The following SLC22A23 variants were observed in gnomAD, a reference collection of about 807,000 sequenced individuals.
SLC22A23 encodes ion transporter protein.
Under a neutral mutation model 61.0 loss-of-function variants are expected in SLC22A23, and 26 were observed. The observed-to-expected ratio is 0.43, with a 90% CI of 0.31 to 0.59. The LOEUF (loss-of-function observed/expected upper bound fraction) is 0.59. Ranked by LOEUF, SLC22A23 falls within the 20% of genes least tolerant of loss-of-function variation. SLC22A23 has a pLI of 0.11. For synonymous variants in SLC22A23, 430 were observed against 413.9 expected (o/e 1.04, Z -0.47); for missense variants, 796 against 934.7 (o/e 0.85, Z 1.94).
intron 3 of SLC22A23, among the ~76,000 whole-genome samples, chr6:3,349,816 A>T (rs1253651923): frequency 6.6e-6 from 1 of 152,240 alleles, no homozygotes; most frequent in African/African-American, 2.4e-5. Context: ...TGCCTCAAGC[A>T]ACCTGATATC....
At chr6:3,345,309 G>A (rs1399971036) in intron 3 of SLC22A23, among the ~76,000 whole-genome samples, 1 of 151,230 alleles carries the variant, frequency 6.6e-6, no homozygotes, top group African/African-American at 2.4e-5. Context: ...TTCTTAGAGG[G>A]AAAGCACTCA....
At position 3,342,907 on chromosome 6, in the gene SLC22A23, C is replaced by T. The variant is rs918703932; in HGVS notation, c.914-18905G>A. On this transcript the variant is annotated intron_variant, in intron 3 of 9. Transcript: ENST00000406686. The surrounding 1 kb of genome is among the most constrained non-coding windows in gnomAD (Gnocchi z 4.0). ...GGTTGGAATTTGGGGCTTTATATAC[C>T]ATCCTAATGCAGGGAAGGGGTTAGG... Among the ~76,000 whole-genome samples the T allele has an allele frequency of 2.0e-5, 3 of 152,058 alleles. No individual in the cohort carries two copies. The highest frequency in any genetic ancestry group is 7.2e-5 in the African/African-American group (3 of 41,392).
intron 3 of SLC22A23, among the ~76,000 whole-genome samples, chr6:3,375,457 G>A (rs987771419): frequency 2.6e-5 from 4 of 152,134 alleles, no homozygotes; most frequent in Admixed American, 6.5e-5. Context: ...TAAACCATTC[G>A]CTGACTATGG....
chr6:3,351,863 G>A (rs993835691), intron 3 of SLC22A23, among the ~76,000 whole-genome samples: 1 of 152,252 alleles, frequency 6.6e-6, no homozygotes, highest in African/African-American at 2.4e-5. Flanking sequence ...AGGTGAGCAG[G>A]AGGATGGGCA....
intron 3 of SLC22A23, among the ~76,000 whole-genome samples, chr6:3,367,114 A>AGT (rs778886260): frequency 7.2e-5 from 11 of 152,204 alleles, no homozygotes; most frequent in Non-Finnish European, 1.2e-4. Context: ...TTTAGAGGGA[A>AGT]GTGTGTGTGT....
At chr6:3,446,862 C>G (rs2127556182) in intron 1 of SLC22A23, among the ~76,000 whole-genome samples, 1 of 152,308 alleles carries the variant, frequency 6.6e-6, no homozygotes, top group South Asian at 2.1e-4. Flanking sequence ...TTCCCAAGGC[C>G]TCACCTCAGC....
chr6:3,320,880 T>A (rs187329128), intron 4 of SLC22A23, among the ~76,000 whole-genome samples: 1 of 152,322 alleles, frequency 6.6e-6, no homozygotes, highest in Admixed American at 6.5e-5. Context: ...AGAGCAGACA[T>A]GTACTAAGCA....
chr6:3,345,943 C>T lies in SLC22A23; in HGVS notation c.914-21941G>A, dbSNP rs112084460. ...TCTTATTTTGGTGTCTCCCGTTCTC[C>T]GAGAGTGTTGGCTGCTGTGGCCTTC... On this transcript the variant is annotated intron_variant, in intron 3 of 9. Transcript: ENST00000406686. 1.4e-3 allele frequency among the ~76,000 whole-genome samples: 214 copies of T among 152,228 alleles called. 1 individual carries two copies. The highest frequency in any genetic ancestry group is 2.7e-3 in the Non-Finnish European group (182 of 68,016).
intron 3 of SLC22A23, among the ~76,000 whole-genome samples, chr6:3,354,323 A>T (rs1470449099): frequency 6.6e-6 from 1 of 152,256 alleles, no homozygotes; most frequent in Non-Finnish European, 1.5e-5. Context: ...AAGTGACTAA[A>T]GGCACTCACA....
chr6:3,283,623 C>T (rs2127308219), intron 9 of SLC22A23: 1 of 535,792 alleles, frequency 1.9e-6, no homozygotes, highest in East Asian at 3.8e-5. Context: ...CTCCCTGTTC[C>T]CCCTTCCTCC....
chr6:3,428,801 A>G (rs9405202), intron 1 of SLC22A23, among the ~76,000 whole-genome samples: 46,173 of 152,192 alleles, frequency 0.3, 8,231 homozygotes, highest in East Asian at 0.47. Context: ...TTTTGAAGGC[A>G]GCATGCCTAA....
rs1772420937 is a variant in SLC22A23, at chr6:3,456,561, G to GC, written c.-3dup. 3.0e-6 allele frequency: 3 copies of GC among 983,658 alleles called. No individual in the cohort carries two copies. In the South Asian group the frequency reaches 1.4e-4, roughly 45 times the overall value. The allele number at this position is 983,658 out of a possible 1,614,324, so 60.9% of individuals were successfully genotyped here. A position where few individuals can be genotyped will look rare whatever the true frequency, so the allele number is the denominator to read the frequency against. ...CTCGCGCCGCCGGTCTATGGCCATG[G>GC]CCCGGGCCCGCGGCTCCCGCAGAGG... On this transcript the variant is annotated 5_prime_UTR_variant, in exon 1 of 10. Coordinates refer to ENST00000406686, the MANE Select transcript of SLC22A23 (RefSeq NM_015482.2). This position sits in a 1 kb window ranked among gnomAD's most constrained non-coding sequence, Gnocchi z 7.1.
At position 3,308,072 on chromosome 6, in the gene SLC22A23, A is replaced by G. The variant is rs1479911917; in HGVS notation, c.1083-9854T>C. ...TGGGGGCTGCCAGGACCTGGGATAG[A>G]GGAAGGTGAAAAAATTCTAGAAATG... On this transcript the variant is annotated intron_variant, in intron 4 of 9. Transcript: ENST00000406686. The surrounding 1 kb of genome is among the most constrained non-coding windows in gnomAD (Gnocchi z 5.1). Among the ~76,000 whole-genome samples the G allele has an allele frequency of 6.6e-6, 1 of 152,172 alleles. No homozygotes were observed. Among genetic ancestry groups the G allele is most frequent in the Non-Finnish European group, 1.5e-5 (1 of 68,026 alleles).
chr6:3,344,621 T>C (rs1459717585), intron 3 of SLC22A23, among the ~76,000 whole-genome samples: 1 of 152,242 alleles, frequency 6.6e-6, no homozygotes, highest in Non-Finnish European at 1.5e-5. Flanking sequence ...AAAATGAAAC[T>C]AATTTGTACA....
Position 3,437,495 on chromosome 6 carries a change from G to A in SLC22A23, c.654+18411C>T, listed in dbSNP as rs138005741. ...GATGGAGACCACCCTGGCTAACACA[G>A]TGAAACCCCGTCTCTACTAAAAACA... On this transcript the variant is annotated intron_variant, in intron 1 of 9. Coordinates refer to ENST00000406686, the MANE Select transcript of SLC22A23 (RefSeq NM_015482.2). Among the ~76,000 whole-genome samples the A allele has an allele frequency of 2.3e-3, 350 of 151,880 alleles. 3 individuals carry two copies. The highest frequency in any genetic ancestry group is 8.1e-3 in the African/African-American group (336 of 41,452).
intron 1 of SLC22A23, among the ~76,000 whole-genome samples, chr6:3,431,383 C>T (rs891303708): frequency 6.6e-6 from 1 of 152,206 alleles, no homozygotes; most frequent in Non-Finnish European, 1.5e-5. Flanking sequence ...GGACCAAATT[C>T]CTAAGCCTGG....
intron 3 of SLC22A23, among the ~76,000 whole-genome samples, chr6:3,406,052 A>G (rs1425030020): frequency 6.6e-6 from 1 of 152,024 alleles, no homozygotes; most frequent in African/African-American, 2.4e-5. Flanking sequence ...GGGGGAAAAA[A>G]CCCTTCATTT....
rs373382142 is a variant in SLC22A23 at position 3,273,522 on chromosome 6, G to A, written c.1704-110C>T. ...CCTCTGCAGGGGCCCTGCTGCCCTG[G>A]GCACTGCCCAGTATACCCCGACCTC... On this transcript the variant is annotated intron_variant, in intron 9 of 9. Transcript: ENST00000406686. 1.4e-4 allele frequency: 175 copies of A among 1,217,526 alleles called. 1 individual carries two copies. The African/African-American group carries it at 2.3e-3, about 16-fold the overall frequency. The allele number at this position is 1,217,526 out of a possible 1,614,324, so 75.4% of individuals were successfully genotyped here. A position where few individuals can be genotyped will look rare whatever the true frequency, so the allele number is the denominator to read the frequency against.
chr6:3,455,287 C>CAA (rs562448749), intron 1 of SLC22A23, among the ~76,000 whole-genome samples: 201 of 152,320 alleles, frequency 1.3e-3, no homozygotes, highest in African/African-American at 4.4e-3. Context: ...GGGGAACACC[C>CAA]AAATGACATA....
Sources: allele counts gnomAD v4.1 joint callset (sites outside exome capture counted in the v4.1 genomes callset), GRCh38; gene constraint gnomAD v4.1.1; non-coding constraint Gnocchi (gnomAD v3.1); transcripts MANE v1.5; gene names NCBI Gene and HGNC (gene_info 2026-07-23, HGNC 2026-07-21).